STYXL2: variants seen among roughly 807,000 people sequenced by gnomAD.
STYXL2 encodes serine/threonine/tyrosine interacting like 2.
STYXL2 carries 44 observed loss-of-function variants against 52.4 expected under a neutral mutation model. That is an observed-to-expected ratio of 0.84 (90% CI 0.66 to 1.08). The LOEUF is 1.08. Among genes scored for constraint, STYXL2 ranks in the 50% least tolerant of loss-of-function variants. The pLI is 0.00. For missense variants in STYXL2, 1,604 were observed against 1,471.7 expected, an observed-to-expected ratio of 1.09 and a Z score of -1.47; for synonymous variants, 604 against 586.9, an observed-to-expected ratio of 1.03 and a Z score of -0.42.
chr1:167,111,513 T>TATATACACAC (rs1211215448), intron 2 of STYXL2, among the ~76,000 whole-genome samples: 55 of 50,080 alleles, frequency 1.1e-3, no homozygotes, highest in African/African-American at 2.1e-3. Flanking sequence ...TATATATATA[T>TATATACACAC]ACACACACAC....
chr1:167,127,649 G>A lies in STYXL2; in HGVS notation c.2518G>A (p.Glu840Lys), dbSNP rs755342349. ...NVDLKELGRK[E>K]KEMQMELREK... ...GGACCTAAAGGAACTTGGCCGGAAG[G>A]AGAAGGAGATGCAGATGGAGCTTAG... is the stretch of plus-strand genomic sequence containing the variant. The change falls in exon 6 of 6, where the codon GAG (glutamate) becomes AAG (lysine). Residue 840 changes from glutamate (E) to lysine (K), a missense_variant. Coordinates refer to ENST00000361200, the MANE Select transcript of STYXL2 (RefSeq NM_001080426.3). 3 of 1,614,052 alleles carry A rather than the reference G, an allele frequency of 1.9e-6. No homozygotes were observed. Among genetic ancestry groups the A allele is most frequent in the Admixed American group, 3.3e-5 (2 of 60,008 alleles).
intron 5 of STYXL2, among the ~76,000 whole-genome samples, chr1:167,122,732 G>C (rs998594065): frequency 8.6e-5 from 13 of 151,982 alleles, no homozygotes; most frequent in African/African-American, 3.1e-4. Flanking sequence ...GCAGTAATGT[G>C]ACCTCAGCTC....
At chr1:167,112,861 C>T (rs966894278) in intron 2 of STYXL2, among the ~76,000 whole-genome samples, 2 of 152,112 alleles carry the variant, frequency 1.3e-5, no homozygotes, top group African/African-American at 4.8e-5. Flanking sequence ...CCTCTATGGA[C>T]CTATAGGAAA....
Position 167,127,546 on chromosome 1 carries a change from G to T in STYXL2, c.2415G>T (p.Leu805=), listed in dbSNP as rs747426096. The T allele has an allele frequency of 6.2e-7, 1 of 1,613,966 alleles. No individual in the cohort carries two copies. Residue 805 remains leucine, a synonymous_variant, in exon 6 of 6, where the codon CTG becomes CTT. Transcript: ENST00000361200. ...MQSVLSCNTT[L]SSPAESCRSK... is the part of the protein sequence containing the mutation. Reference sequence around the variant, plus strand: ...CTGTGCTGTCCTGCAACACCACACTGAGCTCACCCGCGGAAAGTTGCAGAA... The same window carrying T: ...CTGTGCTGTCCTGCAACACCACACTTAGCTCACCCGCGGAAAGTTGCAGAA...
At chr1:167,105,262 T>C (rs572188356) in intron 2 of STYXL2, among the ~76,000 whole-genome samples, 1 of 151,928 alleles carries the variant, frequency 6.6e-6, no homozygotes, top group Admixed American at 6.5e-5. Context: ...GTCTGCAATT[T>C]TGAAAAACGC....
At chr1:167,097,905 G>A (rs1020272133) in intron 2 of STYXL2, among the ~76,000 whole-genome samples, 8 of 150,360 alleles carry the variant, frequency 5.3e-5, no homozygotes, top group African/African-American at 1.9e-4. Context: ...GCTCATGCCT[G>A]TAATTCTAGC....
At chr1:167,117,147 G>A (rs536573558) in intron 3 of STYXL2, among the ~76,000 whole-genome samples, 181 bp from the exon 4 acceptor site, 2 of 152,326 alleles carry the variant, frequency 1.3e-5, no homozygotes, top group African/African-American at 4.8e-5. Flanking sequence ...GATTACAAGT[G>A]TTTGGGCCAG....
intron 5 of STYXL2, among the ~76,000 whole-genome samples, chr1:167,120,190 A>G (rs1667821420): frequency 1.3e-5 from 2 of 152,224 alleles, no homozygotes; most frequent in Admixed American, 6.5e-5. Flanking sequence ...GCTATATCCA[A>G]GTGAAAGGTG....
intron 2 of STYXL2, among the ~76,000 whole-genome samples, chr1:167,097,913 A>G (rs1429104133): frequency 6.6e-6 from 1 of 151,660 alleles, no homozygotes; most frequent in Non-Finnish European, 1.5e-5. Flanking sequence ...CTGTAATTCT[A>G]GCACTTTTGG....
intron 2 of STYXL2, among the ~76,000 whole-genome samples, chr1:167,113,222 C>T (rs1255118975): frequency 2.6e-5 from 4 of 152,146 alleles, no homozygotes; most frequent in African/African-American, 9.7e-5. Flanking sequence ...ATCATTAGCC[C>T]ATTCCCTTAC....
rs530822724 is a variant in STYXL2, at chr1:167,125,654, T to G, written c.656-133T>G. ...AGCCCTCCTGTGTCTTGAGCCCGGATGAACTTCAGAGGCAAAGTAAACACC... is the reference window on the plus strand; with the variant it reads ...AGCCCTCCTGTGTCTTGAGCCCGGAGGAACTTCAGAGGCAAAGTAAACACC... On this transcript the variant is annotated intron_variant, in intron 5 of 5. Transcript: ENST00000361200. 15 of 1,265,724 alleles carry G rather than the reference T, an allele frequency of 1.2e-5. No homozygotes were observed. In the South Asian group the frequency reaches 2.1e-4, roughly 18 times the overall value. 78.4% of individuals were successfully genotyped at this position (1,265,724 alleles called of 1,614,324 possible). A position where few individuals can be genotyped will look rare whatever the true frequency, so the allele number is the denominator to read the frequency against.
intron 2 of STYXL2, among the ~76,000 whole-genome samples, chr1:167,113,049 C>G (rs767478636): frequency 2.6e-5 from 4 of 152,126 alleles, no homozygotes; most frequent in Non-Finnish European, 4.4e-5. Flanking sequence ...TCTTTTTTGA[C>G]AACTGCACCG....
chr1:167,114,181 C>T (rs1249768167), intron 3 of STYXL2, among the ~76,000 whole-genome samples: 1 of 152,126 alleles, frequency 6.6e-6, no homozygotes, highest in African/African-American at 2.4e-5. Context: ...TAGACCTGCA[C>T]TTCCACCAGT....
At chr1:167,119,185 T>C in intron 4 of STYXL2, 64 bp from the exon 5 acceptor site, 3 of 1,511,980 alleles carry the variant, frequency 2.0e-6, no homozygotes, top group Non-Finnish European at 2.7e-6. Context: ...AGGCTCACCG[T>C]CACAGTGGTG....
At chr1:167,115,342 G>C (rs1667702776) in intron 3 of STYXL2, among the ~76,000 whole-genome samples, 1 of 152,208 alleles carries the variant, frequency 6.6e-6, no homozygotes, top group South Asian at 2.1e-4. Flanking sequence ...ACACATCCGA[G>C]AGTGTAGGGG....
At position 167,127,272 on chromosome 1, in the gene STYXL2, C is replaced by T. The variant is rs759787935; in HGVS notation, c.2141C>T (p.Pro714Leu). The T allele has an allele frequency of 1.2e-6, 2 of 1,614,200 alleles. No homozygotes were observed. Among genetic ancestry groups the T allele is most frequent in the Non-Finnish European group, 8.5e-7 (1 of 1,180,040 alleles). ...TTPLPNLPVG[P>L]GDTISIASIQ... The stretch of plus-strand genomic sequence containing the variant: ...CCCCTGCCTAACCTGCCAGTGGGGC[C>T]TGGAGACACCATTTCCATTGCCAGT... Residue 714 changes from proline to leucine, a missense_variant, in exon 6 of 6, where the codon CCT becomes CTT. Transcript: ENST00000361200.
At position 167,127,716 on chromosome 1, in the gene STYXL2, A is replaced by T. The variant is rs1301333946; in HGVS notation, c.2585A>T (p.Asp862Val). ...SEYKMEKLAS[D>V]NKRSSLFKKK... is the part of the protein sequence containing the mutation. ...TACAAAATGGAAAAGCTGGCCTCAG[A>T]CAACAAACGCAGCTCCCTCTTCAAG... The change falls in exon 6 of 6, where the codon GAC becomes GTC. Residue 862 changes from aspartate to valine, a missense_variant. Transcript: ENST00000361200. 1 of 1,614,070 alleles carries T rather than the reference A, an allele frequency of 6.2e-7. No individual in the cohort carries two copies.
rs564143641 is a variant in STYXL2 at position 167,109,996 on chromosome 1, C to T, written c.111-3714C>T. Among the ~76,000 whole-genome samples, 14 of 152,346 alleles carry T rather than the reference C, an allele frequency of 9.2e-5. No individual in the cohort carries two copies. The South Asian group carries it at 2.9e-3, about 32-fold the overall frequency. The stretch of plus-strand genomic sequence containing the variant: ...CACTCCCCTACTACCTCCACTGGAG[C>T]AGTTACTGGTATCCATGGCTGAGAG... On this transcript the variant is annotated intron_variant, in intron 2 of 5. Coordinates refer to ENST00000361200, the MANE Select transcript of STYXL2 (RefSeq NM_001080426.3).
At chr1:167,094,502 AGGGAAGTCATT>A (rs1667239524) in intron 1 of STYXL2, 1 of 295,348 alleles carries the variant, frequency 3.4e-6, no homozygotes, top group East Asian at 8.5e-5. Flanking sequence ...TTGCTGGTCC[AGGGAAGTCATT>A]GTTCTTCAAC....
Sources: allele counts gnomAD v4.1 joint callset (sites outside exome capture counted in the v4.1 genomes callset), GRCh38; gene constraint gnomAD v4.1.1; transcripts MANE v1.5; gene names NCBI Gene and HGNC (gene_info 2026-07-23, HGNC 2026-07-21).